The following RMND1 variants were observed in gnomAD, a reference collection of about 807,000 sequenced individuals.
The protein encoded by RMND1 is required for meiotic nuclear division protein 1 homolog.
A neutral mutation model predicts 54.0 loss-of-function variants in RMND1; 41 were observed. The ratio of observed to expected loss-of-function variants is 0.76; its 90% CI spans 0.59 to 0.98. The LOEUF is 0.98. Ranked by LOEUF, RMND1 falls within the 50% of genes least tolerant of loss-of-function variation. RMND1 has a pLI of 0.00. For missense variants in RMND1, 457 were observed against 532.0 expected (o/e 0.86, Z 1.39); for synonymous variants, 183 against 181.7 (o/e 1.01, Z -0.06).
At chr6:151,413,940 A>G (rs577556984) in intron 10 of RMND1, 1 of 152,412 alleles carries the variant, frequency 6.6e-6, no homozygotes, top group South Asian at 2.1e-4. Context: ...GATCAGTGAC[A>G]ACTGCAGATA....
chr6:151,426,544 G>A (rs894572563), intron 6 of RMND1, among the ~76,000 whole-genome samples: 2 of 151,512 alleles, frequency 1.3e-5, no homozygotes, highest in African/African-American at 4.9e-5. Context: ...AAATCAATAG[G>A]AAAAAACTGG....
intron 10 of RMND1, among the ~76,000 whole-genome samples, chr6:151,406,557 A>G (rs1779628443): frequency 6.6e-6 from 1 of 151,970 alleles, no homozygotes; most frequent in South Asian, 2.1e-4. Context: ...AGATGATGTT[A>G]GCCAGGATGG....
At chr6:151,444,576 C>T (rs9371218) in intron 2 of RMND1, 1 of 152,080 alleles carries the variant, frequency 6.6e-6, no homozygotes, top group African/African-American at 2.4e-5. Context: ...AACCTGTTTT[C>T]TGATAGATTC....
chr6:151,426,029 T>C (rs532526858), intron 6 of RMND1, among the ~76,000 whole-genome samples: 5 of 151,364 alleles, frequency 3.3e-5, no homozygotes, highest in Non-Finnish European at 7.4e-5. Flanking sequence ...TGGCAACCTC[T>C]GCCTCCCAGG....
At position 151,440,084 on chromosome 6, in the gene RMND1, G is replaced by A. The variant is rs968790889; in HGVS notation, c.505-3530C>T. On this transcript the variant is annotated intron_variant, in intron 2 of 11. Coordinates refer to ENST00000444024, the MANE Select transcript of RMND1 (RefSeq NM_017909.4). Reference sequence around the variant, plus strand: ...TGATTATCCCGCCTCAACCTCCCGAGTAGCTAGGATTACAGGCATGCACCA... The same window carrying A: ...TGATTATCCCGCCTCAACCTCCCGAATAGCTAGGATTACAGGCATGCACCA... Among the ~76,000 whole-genome samples the A allele has an allele frequency of 3.3e-5, 5 of 152,034 alleles. 1 individual carries two copies. Among genetic ancestry groups the A allele is most frequent in the Non-Finnish European group, 7.4e-5 (5 of 68,026 alleles).
At chr6:151,408,776 G>A (rs985039190) in intron 10 of RMND1, 4 of 152,210 alleles carry the variant, frequency 2.6e-5, no homozygotes, top group African/African-American at 9.7e-5. Flanking sequence ...CTAGATGGAG[G>A]AGGGGGCCAT....
Position 151,427,507 on chromosome 6 carries a change from C to T in RMND1, c.805G>A (p.Glu269Lys), listed in dbSNP as rs760074374. The T allele has an allele frequency of 1.9e-6, 3 of 1,610,108 alleles. No individual in the cohort carries two copies. In the Admixed American group the frequency reaches 5.0e-5, roughly 27 times the overall value. The change falls in exon 6 of 12, where the codon GAA (glutamate) becomes AAA (lysine). Residue 269 changes from glutamate to lysine, a missense_variant. Transcript: ENST00000444024. ...YEIALVHWEN[E>K]ELNYIKIEGQ... ...TCTATTTTTATGTAGTTAAGTTCTT[C>T]ATTTTCCCAGTGTACCAGTGCGATT...
At chr6:151,414,145 C>A (rs1033336261) in intron 10 of RMND1, among the ~76,000 whole-genome samples, 1 of 152,128 alleles carries the variant, frequency 6.6e-6, no homozygotes, top group African/African-American at 2.4e-5. Flanking sequence ...TCATGGCTCA[C>A]TGCAGCCTCA....
At chr6:151,450,372 G>A (rs1429481145) in intron 1 of RMND1, among the ~76,000 whole-genome samples, 2 of 135,254 alleles carry the variant, frequency 1.5e-5, no homozygotes, top group Non-Finnish European at 3.1e-5. Flanking sequence ...GTCAGCCCCC[G>A]CCAGGCCAGC....
intron 2 of RMND1, among the ~76,000 whole-genome samples, chr6:151,442,913 G>A (rs1780825778): frequency 6.6e-6 from 1 of 152,098 alleles, no homozygotes; most frequent in Non-Finnish European, 1.5e-5. Context: ...AATGAGACCA[G>A]GTAAAGATTT....
intron 4 of RMND1, among the ~76,000 whole-genome samples, chr6:151,432,374 G>C (rs897238468): frequency 6.6e-5 from 10 of 152,154 alleles, no homozygotes; most frequent in African/African-American, 2.4e-4. Flanking sequence ...TAAAGATGGG[G>C]TCAAAAGGAA....
At chr6:151,415,968 GTT>G (rs1277086101) in intron 10 of RMND1, among the ~76,000 whole-genome samples, 2 of 150,676 alleles carry the variant, frequency 1.3e-5, no homozygotes, top group African/African-American at 4.9e-5. Context: ...TGATAAAACA[GTT>G]TTGTGTCTTT....
At chr6:151,440,461 G>A (rs1275081289) in intron 2 of RMND1, among the ~76,000 whole-genome samples, 1 of 152,184 alleles carries the variant, frequency 6.6e-6, no homozygotes, top group Non-Finnish European at 1.5e-5. Context: ...ATTTTTATGA[G>A]AAAATATATT....
At chr6:151,419,379 TTAAC>T (rs1042321405) in intron 9 of RMND1, among the ~76,000 whole-genome samples, 2 of 151,978 alleles carry the variant, frequency 1.3e-5, no homozygotes, top group Non-Finnish European at 2.9e-5. Flanking sequence ...ACTTAGATGT[TTAAC>T]TAAATAAAAA....
At position 151,430,184 on chromosome 6, in the gene RMND1, T is replaced by TA; in HGVS notation, c.690-8dup. ...AAACACAGCAGCTCCTTCCCTGATT[T>TA]AAAAAAATAAAAGAAACAACTAAGA... is the stretch of plus-strand genomic sequence containing the variant. On this transcript the variant is annotated splice_polypyrimidine_tract_variant and splice_region_variant and intron_variant, in intron 4 of 11. Transcript: ENST00000444024. 1.3e-6 allele frequency: 2 copies of TA among 1,586,620 alleles called. No homozygotes were observed. Among genetic ancestry groups the TA allele is most frequent in the Non-Finnish European group, 1.7e-6 (2 of 1,157,324 alleles).
chr6:151,416,011 C>G (rs2114927326), intron 10 of RMND1, among the ~76,000 whole-genome samples: 1 of 152,096 alleles, frequency 6.6e-6, no homozygotes, highest in Non-Finnish European at 1.5e-5. Context: ...TGGAGTCTCG[C>G]TGCAACGCCC....
chr6:151,427,788 G>A (rs1299590507), intron 5 of RMND1, among the ~76,000 whole-genome samples: 4 of 152,190 alleles, frequency 2.6e-5, no homozygotes, highest in African/African-American at 9.6e-5. Flanking sequence ...GGAAAACACA[G>A]ATGAGAATGG....
intron 9 of RMND1, chr6:151,420,990 T>C (rs115720000): frequency 6.6e-4 from 191 of 290,932 alleles, no homozygotes; most frequent in African/African-American, 3.4e-3. Flanking sequence ...GAACACCTAC[T>C]GTGCTCCTTA....
rs867477943 is a variant in RMND1 at position 151,445,572 on chromosome 6, C to T, written c.240G>A (p.Leu80=). Residue 80 remains leucine, a synonymous_variant, in exon 2 of 12, where the codon CTG becomes CTA. Transcript: ENST00000444024. ...MNQKKSDTSM[L]SPLNAARCQD... is the part of the protein sequence containing the mutation. ...GGCAACGAGCAGCATTTAATGGAGA[C>T]AGCATGCTGGTATCTGACTTTTTTT... 1 of 1,614,210 alleles carries T rather than the reference C, an allele frequency of 6.2e-7. No homozygotes were observed.
Sources: allele counts gnomAD v4.1 joint callset (sites outside exome capture counted in the v4.1 genomes callset), GRCh38; gene constraint gnomAD v4.1.1; transcripts MANE v1.5; gene names NCBI Gene and HGNC (gene_info 2026-07-23, HGNC 2026-07-21).